MOB1B: variants seen among roughly 807,000 people sequenced by gnomAD.
MOB1B encodes MOB1 Mps One Binder homolog B.
Under a neutral mutation model 24.4 loss-of-function variants are expected in MOB1B, and 19 were observed. The observed-to-expected ratio is 0.78, with a 90% CI of 0.54 to 1.14. MOB1B has a LOEUF of 1.14. Ranked by LOEUF, MOB1B falls within the 50% of genes most tolerant of loss-of-function variation. The pLI, the probability that MOB1B is intolerant of heterozygous loss-of-function variation, is 0.00. For missense variants in MOB1B, 243 were observed against 259.6 expected, an observed-to-expected ratio of 0.94 and a Z score of 0.44; for synonymous variants, 76 against 82.1, an observed-to-expected ratio of 0.93 and a Z score of 0.40.
At position 70,950,427 on chromosome 4, in the gene MOB1B, CAAA is replaced by C. The variant is rs34937726; in HGVS notation, c.15-8427_15-8425del. On this transcript the variant is annotated intron_variant, in intron 1 of 5. Transcript: ENST00000309395. ...TGGGTGACAGAGCAAGTCTCTGTAT[CAAA>C]AAAAAAAAAAAAAAAAAAAGAATGG... Among the ~76,000 whole-genome samples the C allele has an allele frequency of 7.4e-3, 524 of 70,378 alleles. 3 individuals are homozygous for C. Among genetic ancestry groups the C allele is most frequent in the Non-Finnish European group, 0.012 (336 of 29,016 alleles). The allele number at this position is 70,378 out of a possible 152,430, so 46.2% of individuals were successfully genotyped here. A position where few individuals can be genotyped will look rare whatever the true frequency, so the allele number is the denominator to read the frequency against.
intron 2 of MOB1B, among the ~76,000 whole-genome samples, chr4:70,966,744 C>G (rs531063960): frequency 6.6e-6 from 1 of 151,888 alleles, no homozygotes. Context: ...GTCCTAATTA[C>G]TCAAGGAGAT....
intron 1 of MOB1B, among the ~76,000 whole-genome samples, chr4:70,952,365 G>A (rs1027494755): frequency 1.3e-5 from 2 of 151,796 alleles, no homozygotes; most frequent in African/African-American, 2.4e-5. Flanking sequence ...ATAAAAACAG[G>A]CACAAAACTT....
intron 1 of MOB1B, among the ~76,000 whole-genome samples, chr4:70,903,730 C>T (rs984018679): frequency 6.6e-6 from 1 of 151,972 alleles, no homozygotes; most frequent in East Asian, 1.9e-4. Flanking sequence ...TTCACATGCT[C>T]ACATCTAGAA....
chr4:70,959,906 C>A (rs186447126), intron 2 of MOB1B, among the ~76,000 whole-genome samples: 13 of 151,848 alleles, frequency 8.6e-5, no homozygotes, highest in Middle Eastern at 6.8e-3. Context: ...ATTTTGAGAT[C>A]GACTCTTGCT....
chr4:70,984,061 C>G lies in MOB1B; in HGVS notation c.*2004C>G, dbSNP rs1222405188. The G allele has an allele frequency of 2.0e-5, 3 of 152,468 alleles. No homozygotes were observed. The highest frequency in any genetic ancestry group is 7.2e-5 in the African/African-American group (3 of 41,418). 9.4% of individuals were successfully genotyped at this position (152,468 alleles called of 1,614,324 possible). ...TATCAATCTAGTAAAAAAGGAGTTG[C>G]AATAGCCAAGTATAGAGAGAATAGT... On this transcript the variant is annotated 3_prime_UTR_variant, in exon 6 of 6. Transcript: ENST00000309395.
intron 1 of MOB1B, among the ~76,000 whole-genome samples, chr4:70,928,617 C>T (rs115484557): frequency 5.7e-4 from 86 of 152,042 alleles, no homozygotes; most frequent in African/African-American, 2.0e-3. Context: ...AATTTCATCA[C>T]GGGTGGTGAG....
chr4:70,922,571 CTT>C (rs564453892), intron 1 of MOB1B, among the ~76,000 whole-genome samples: 112 of 152,254 alleles, frequency 7.4e-4, no homozygotes, highest in African/African-American at 2.5e-3. Flanking sequence ...CTCAGTGAGA[CTT>C]TGAATAGAAT....
At chr4:70,973,347 G>T (rs535582511) in intron 3 of MOB1B, among the ~76,000 whole-genome samples, 1 of 151,686 alleles carries the variant, frequency 6.6e-6, no homozygotes, top group Non-Finnish European at 1.5e-5. Context: ...GCTCACACCT[G>T]TAATCTCGGC....
Position 70,976,121 on chromosome 4 carries a change from C to T in MOB1B, c.409+835C>T, listed in dbSNP as rs560595408. ...TTCACCATGTTGGCCAGGCTGGTCT[C>T]GAACTCCTGACCTCAAGTGATCTAC... is the stretch of plus-strand genomic sequence containing the variant. On this transcript the variant is annotated intron_variant, in intron 4 of 5. Coordinates refer to ENST00000309395, the MANE Select transcript of MOB1B (RefSeq NM_173468.4). 644 of 698,364 alleles carry T rather than the reference C, an allele frequency of 9.2e-4. 4 individuals are homozygous for T. In the African/African-American group the frequency reaches 0.012, roughly 13 times the overall value. 43.3% of individuals were successfully genotyped at this position (698,364 alleles called of 1,614,324 possible). A position where few individuals can be genotyped will look rare whatever the true frequency, so the allele number is the denominator to read the frequency against.
At position 70,975,208 on chromosome 4, in the gene MOB1B, G is replaced by T. The variant is rs377705076; in HGVS notation, c.331G>T (p.Ala111Ser). 2 of 1,613,332 alleles carry T rather than the reference G, an allele frequency of 1.2e-6. No homozygotes were observed. The highest frequency in any genetic ancestry group is 1.7e-6 in the Non-Finnish European group (2 of 1,179,576). The change falls in exon 4 of 6, where the codon GCA (alanine) becomes TCA (serine). Residue 111 changes from alanine to serine, a missense_variant. Transcript: ENST00000309395. ...CATAAAGAAACCTATTAAGTGCTCT[G>T]CACCAAAGTATATTGATTACTTGAT... is the stretch of plus-strand genomic sequence containing the variant. ...TNIKKPIKCS[A>S]PKYIDYLMTW...
At chr4:70,967,051 A>G (rs991493942) in intron 2 of MOB1B, among the ~76,000 whole-genome samples, 1 of 152,186 alleles carries the variant, frequency 6.6e-6, no homozygotes. Context: ...CAGAATAGCT[A>G]TAACATTATA....
At chr4:70,971,954 G>T (rs112812094) in intron 3 of MOB1B, among the ~76,000 whole-genome samples, 7 of 146,302 alleles carry the variant, frequency 4.8e-5, no homozygotes, top group East Asian at 2.0e-4. Context: ...CTTTCTCTAC[G>T]TCTCTTTTCT....
intron 1 of MOB1B, among the ~76,000 whole-genome samples, chr4:70,942,210 A>G (rs1269478266): frequency 1.3e-5 from 2 of 152,272 alleles, no homozygotes; most frequent in East Asian, 3.9e-4. Context: ...GATTTATAGG[A>G]GAAAATAGTT....
chr4:70,964,310 T>A (rs1271848686), intron 2 of MOB1B, among the ~76,000 whole-genome samples: 1 of 152,178 alleles, frequency 6.6e-6, no homozygotes, highest in Non-Finnish European at 1.5e-5. Context: ...TAAGAGTATA[T>A]ATATGTACAT....
chr4:70,925,082 A>C (rs1172136508), intron 1 of MOB1B, among the ~76,000 whole-genome samples: 2 of 152,016 alleles, frequency 1.3e-5, no homozygotes, highest in African/African-American at 4.8e-5. Flanking sequence ...CTTGCTCTGT[A>C]ACTCAGGCCA....
In MOB1B at chr4:70,975,138, A is replaced by T; in HGVS notation, c.276-15A>T. 1.3e-6 allele frequency: 2 copies of T among 1,579,892 alleles called. No individual in the cohort carries two copies. Among genetic ancestry groups the T allele is most frequent in the Non-Finnish European group, 1.7e-6 (2 of 1,167,350 alleles). On this transcript the variant is annotated splice_polypyrimidine_tract_variant and intron_variant, in intron 3 of 5. Transcript: ENST00000309395. Reference sequence around the variant, plus strand: ...TATACTAATCTTCTGTGTGCTTTTTATCTCTCCAATGCAGATATGAGTATC... The same window carrying T: ...TATACTAATCTTCTGTGTGCTTTTTTTCTCTCCAATGCAGATATGAGTATC...
chr4:70,932,521 C>T (rs1736924364), intron 1 of MOB1B, among the ~76,000 whole-genome samples: 2 of 151,910 alleles, frequency 1.3e-5, no homozygotes, highest in Admixed American at 1.3e-4. Context: ...ATTTCTAATC[C>T]TTGGGAAAAC....
At chr4:70,946,208 A>G (rs1184414778) in intron 1 of MOB1B, among the ~76,000 whole-genome samples, 1 of 150,956 alleles carries the variant, frequency 6.6e-6, no homozygotes, top group African/African-American at 2.4e-5. Context: ...CTTCTCTTGC[A>G]CAGTTGGAAT....
At chr4:70,908,728 T>C (rs1161683204) in intron 1 of MOB1B, among the ~76,000 whole-genome samples, 1 of 146,010 alleles carries the variant, frequency 6.8e-6, no homozygotes, top group African/African-American at 2.6e-5. Flanking sequence ...TGAGCCGAGA[T>C]CATGCCGCTG....
Sources: allele counts gnomAD v4.1 joint callset (sites outside exome capture counted in the v4.1 genomes callset), GRCh38; gene constraint gnomAD v4.1.1; transcripts MANE v1.5; gene names NCBI Gene and HGNC (gene_info 2026-07-23, HGNC 2026-07-21).